CWC27: variants seen among roughly 807,000 people sequenced by gnomAD.
CWC27 encodes the protein spliceosome-associated protein CWC27 homolog.
In CWC27, 47 loss-of-function variants were observed where a neutral mutation model predicts 63.6. The ratio of observed to expected loss-of-function variants is 0.74; its 90% CI spans 0.58 to 0.94. The LOEUF (loss-of-function observed/expected upper bound fraction) is 0.94. CWC27 is among the 40% of genes least tolerant of loss of function. The pLI is 0.00. For missense variants in CWC27, 495 were observed against 554.3 expected (o/e 0.89, Z 1.07); for synonymous variants, 175 against 179.8 (o/e 0.97, Z 0.22).
At chr5:64,777,117 T>C (rs1032149548) in intron 2 of CWC27, among the ~76,000 whole-genome samples, 4 of 152,118 alleles carry the variant, frequency 2.6e-5, no homozygotes, top group African/African-American at 9.7e-5. Context: ...GTTTGTTTTA[T>C]AGACAAGTGG....
chr5:64,851,910 T>A (rs1345168091), intron 10 of CWC27, among the ~76,000 whole-genome samples: 2 of 152,156 alleles, frequency 1.3e-5, no homozygotes, highest in Non-Finnish European at 2.9e-5. Flanking sequence ...TTTTCTTTTG[T>A]CTTTTAAAGG....
chr5:64,788,935 C>CTT lies in CWC27; in HGVS notation c.600-9_600-8dup. The CTT allele has an allele frequency of 7.1e-7, 1 of 1,418,130 alleles. No individual in the cohort carries two copies. Among genetic ancestry groups the CTT allele is most frequent in the Non-Finnish European group, 9.5e-7 (1 of 1,053,786 alleles). 87.8% of individuals were successfully genotyped at this position (1,418,130 alleles called of 1,614,324 possible). A position where few individuals can be genotyped will look rare whatever the true frequency, so the allele number is the denominator to read the frequency against. ...TTTCTCTTTCTTTTTTTTTTTCTTT[C>CTT]TTTTTTTTGGACTAGAAATTTTAGT... On this transcript the variant is annotated splice_polypyrimidine_tract_variant and intron_variant, in intron 6 of 13. Transcript: ENST00000381070.
chr5:64,781,494 G>A (rs536924182), intron 2 of CWC27, among the ~76,000 whole-genome samples: 3 of 152,290 alleles, frequency 2.0e-5, no homozygotes, highest in Admixed American at 2.0e-4. Flanking sequence ...GTAATTCTCT[G>A]TTGTGGGAAC....
Position 65,018,408 on chromosome 5 carries a change from G to A in CWC27, c.*87G>A. 2 of 1,143,714 alleles carry A rather than the reference G, an allele frequency of 1.7e-6. No homozygotes were observed. Among genetic ancestry groups the A allele is most frequent in the Admixed American group, 5.8e-5 (2 of 34,612 alleles). 70.8% of individuals were successfully genotyped at this position (1,143,714 alleles called of 1,614,324 possible). A position where few individuals can be genotyped will look rare whatever the true frequency, so the allele number is the denominator to read the frequency against. On this transcript the variant is annotated 3_prime_UTR_variant, in exon 14 of 14. Transcript: ENST00000381070. ...ATTGTTCCCAACAGCATCACTTAGG[G>A]GTGTGAAAAGAAGTATTTTTGAACC...
intron 10 of CWC27, among the ~76,000 whole-genome samples, chr5:64,818,914 T>C (rs1386088785): frequency 2.0e-5 from 3 of 152,206 alleles, no homozygotes; most frequent in Admixed American, 6.6e-5. Context: ...TGCTGTATAG[T>C]ATGAAAATAA....
intron 11 of CWC27, among the ~76,000 whole-genome samples, chr5:64,955,043 A>C (rs1018712096): frequency 6.6e-6 from 1 of 152,122 alleles, no homozygotes. Flanking sequence ...AATATAGAGA[A>C]ATATTTCTTA....
chr5:64,916,885 T>TTAGTATTAGTAGTAGTAGTAG (rs777253798), intron 11 of CWC27, among the ~76,000 whole-genome samples: 11 of 144,018 alleles, frequency 7.6e-5, no homozygotes, highest in African/African-American at 2.4e-4. Flanking sequence ...AGTAGTAGTA[T>TTAGTATTAGTAGTAGTAGTAG]TAGTAGTAGT....
chr5:64,965,722 C>A (rs1207065207), intron 11 of CWC27, among the ~76,000 whole-genome samples: 3 of 152,108 alleles, frequency 2.0e-5, no homozygotes, highest in Non-Finnish European at 4.4e-5. Context: ...AATATTAAGT[C>A]TTTTCTTTGT....
intron 7 of CWC27, among the ~76,000 whole-genome samples, chr5:64,791,323 C>A (rs536722226): frequency 5.4e-4 from 82 of 152,168 alleles, no homozygotes; most frequent in Non-Finnish European, 1.0e-3. Flanking sequence ...TATCTTCCTT[C>A]TGCTGCTTTC....
intron 11 of CWC27, among the ~76,000 whole-genome samples, chr5:64,935,437 C>A (rs537092265): frequency 1.3e-5 from 2 of 152,200 alleles, no homozygotes; most frequent in East Asian, 1.9e-4. Flanking sequence ...ATTTCTGAGG[C>A]CTCTGTCCTA....
chr5:64,982,566 C>T (rs1419600809), intron 13 of CWC27, among the ~76,000 whole-genome samples: 2 of 151,980 alleles, frequency 1.3e-5, no homozygotes, highest in African/African-American at 4.8e-5. Flanking sequence ...ATGATCTTCC[C>T]GCTTCGGCCT....
intron 10 of CWC27, among the ~76,000 whole-genome samples, chr5:64,862,283 G>A (rs1051391939): frequency 3.9e-5 from 6 of 152,092 alleles, no homozygotes; most frequent in Admixed American, 3.3e-4. Context: ...TGGACTCCAT[G>A]CTACTATGGC....
intron 1 of CWC27, among the ~76,000 whole-genome samples, chr5:64,771,201 G>T (rs1289968445): frequency 6.6e-6 from 1 of 152,224 alleles, no homozygotes; most frequent in South Asian, 2.1e-4. Flanking sequence ...TCTAAGTTCT[G>T]TAAGGTTAAG....
chr5:65,001,903 G>A (rs1425793722), intron 13 of CWC27, among the ~76,000 whole-genome samples: 1 of 151,418 alleles, frequency 6.6e-6, no homozygotes, highest in Non-Finnish European at 1.5e-5. Context: ...AAAAAATAGT[G>A]TGTGTTCTTT....
intron 7 of CWC27, among the ~76,000 whole-genome samples, chr5:64,790,297 T>C (rs917456277): frequency 6.6e-6 from 1 of 152,142 alleles, no homozygotes; most frequent in Non-Finnish European, 1.5e-5. Flanking sequence ...TACAAAAACT[T>C]CATTTCCCAA....
At chr5:64,826,845 G>A (rs902114649) in intron 10 of CWC27, among the ~76,000 whole-genome samples, 4 of 151,318 alleles carry the variant, frequency 2.6e-5, no homozygotes, top group Non-Finnish European at 4.4e-5. Flanking sequence ...AAATTTTCTT[G>A]GACGTGTCCT....
In CWC27 at chr5:64,863,809, G is replaced by A. The variant is rs1378304438; in HGVS notation, c.939-21634G>A. Among the ~76,000 whole-genome samples, 3 of 152,070 alleles carry A rather than the reference G, an allele frequency of 2.0e-5. No individual in the cohort carries two copies. The East Asian group carries it at 5.8e-4, about 29-fold the overall frequency. ...CAGCCCTTCTCTAATTTAGAGTTAT[G>A]CTTTTCTTAGCAGATATTCTATGAA... On this transcript the variant is annotated intron_variant, in intron 10 of 13. Transcript: ENST00000381070.
intron 2 of CWC27, among the ~76,000 whole-genome samples, chr5:64,780,034 T>G (rs1743607259): frequency 6.6e-6 from 1 of 152,162 alleles, no homozygotes; most frequent in South Asian, 2.1e-4. Context: ...GGGTATTTCT[T>G]CATAGCAGTG....
chr5:64,937,618 C>G (rs1201781371), intron 11 of CWC27, among the ~76,000 whole-genome samples: 1 of 152,018 alleles, frequency 6.6e-6, no homozygotes, highest in Non-Finnish European at 1.5e-5. Context: ...TCTGCTTGGT[C>G]CAGAGCTGAG....
Sources: allele counts gnomAD v4.1 joint callset (sites outside exome capture counted in the v4.1 genomes callset), GRCh38; gene constraint gnomAD v4.1.1; transcripts MANE v1.5; gene names NCBI Gene and HGNC (gene_info 2026-07-23, HGNC 2026-07-21).